PIK3C2G: variants seen among roughly 807,000 people sequenced by gnomAD.
The protein encoded by PIK3C2G is phosphatidylinositol 3-kinase C2 domain-containing subunit gamma.
In PIK3C2G, 168 loss-of-function variants were observed where a neutral mutation model predicts 181.1. The ratio of observed to expected loss-of-function variants is 0.93; its 90% CI spans 0.82 to 1.05. The LOEUF (loss-of-function observed/expected upper bound fraction) is 1.05, where lower values mean the gene tolerates loss of function less well. Among genes scored for constraint, PIK3C2G ranks in the 50% least tolerant of loss-of-function variants. The pLI, the probability that PIK3C2G is intolerant of heterozygous loss-of-function variation, is 0.00. For missense variants in PIK3C2G, 1,869 were observed against 1,732.8 expected (o/e 1.08, Z -1.40); for synonymous variants, 573 against 592.2 (o/e 0.97, Z 0.47).
chr12:18,286,674 T>C (rs1949458012), intron 2 of PIK3C2G, among the ~76,000 whole-genome samples, 173 bp from the exon 3 acceptor site: 2 of 152,136 alleles, frequency 1.3e-5, no homozygotes, highest in Admixed American at 1.3e-4. Flanking sequence ...ACTCAAATTA[T>C]ATACTTAAGA....
At chr12:18,517,391 G>A (rs547816602) in intron 24 of PIK3C2G, among the ~76,000 whole-genome samples, 9 of 152,090 alleles carry the variant, frequency 5.9e-5, no homozygotes, top group East Asian at 1.9e-4. Context: ...ATTTGTTTGC[G>A]TCTTCTTTTA....
chr12:18,550,581 T>C (rs1236777602), intron 26 of PIK3C2G, among the ~76,000 whole-genome samples: 1 of 152,002 alleles, frequency 6.6e-6, no homozygotes, highest in Non-Finnish European at 1.5e-5. Flanking sequence ...CTTCAATGAG[T>C]GGCATTAATT....
intron 16 of PIK3C2G, among the ~76,000 whole-genome samples, chr12:18,419,275 C>T (rs559322341): frequency 6.6e-6 from 1 of 152,228 alleles, no homozygotes; most frequent in Middle Eastern, 3.4e-3. Context: ...CCTCTTTTGT[C>T]ATTTCTATCA....
the PIK3C2G span, among the ~76,000 whole-genome samples, chr12:18,706,104 G>T: frequency 6.6e-6 from 1 of 151,714 alleles, no homozygotes; most frequent in Non-Finnish European, 1.5e-5. Context: ...GTGGTGGCAG[G>T]TGCCTGTAAT....
the PIK3C2G span, among the ~76,000 whole-genome samples, chr12:18,675,106 G>A: frequency 6.6e-6 from 1 of 152,136 alleles, no homozygotes; most frequent in Admixed American, 6.6e-5. Context: ...GATTAATAAT[G>A]TGGCTAGAGA....
chr12:18,550,903 T>C (rs116677221), intron 26 of PIK3C2G, among the ~76,000 whole-genome samples: 6,844 of 152,108 alleles, frequency 0.045, 346 homozygotes, highest in African/African-American at 0.13. Flanking sequence ...CTTGACCCTA[T>C]TTGAGACTTG....
At chr12:18,494,426 G>T (rs181125116) in intron 20 of PIK3C2G, among the ~76,000 whole-genome samples, 3 of 152,016 alleles carry the variant, frequency 2.0e-5, no homozygotes, top group Admixed American at 6.5e-5. Flanking sequence ...GTCTGTGTGT[G>T]TACCACCAAA....
At chr12:18,559,700 A>G (rs1427515657) in intron 26 of PIK3C2G, among the ~76,000 whole-genome samples, 1 of 148,540 alleles carries the variant, frequency 6.7e-6, no homozygotes. Context: ...AATATTAGCA[A>G]AGGGAAAATC....
At chr12:18,372,014 TA>T (rs1357839554) in intron 13 of PIK3C2G, among the ~76,000 whole-genome samples, 2 of 152,212 alleles carry the variant, frequency 1.3e-5, no homozygotes, top group Non-Finnish European at 2.9e-5. Flanking sequence ...GTAATGTTAA[TA>T]TTTTTATAAA....
intron 18 of PIK3C2G, among the ~76,000 whole-genome samples, chr12:18,478,442 A>G (rs942407489): frequency 6.6e-6 from 1 of 152,080 alleles, no homozygotes; most frequent in Admixed American, 6.6e-5. Flanking sequence ...ATTGCTTTCA[A>G]TGTGGCCTCT....
intron 29 of PIK3C2G, among the ~76,000 whole-genome samples, chr12:18,571,258 A>C (rs1945924256): frequency 6.6e-6 from 1 of 150,744 alleles, no homozygotes; most frequent in Non-Finnish European, 1.5e-5. Context: ...GAATACACCT[A>C]TAGTTTCAAT....
At chr12:18,310,329 A>G (rs1170807404) in intron 5 of PIK3C2G, among the ~76,000 whole-genome samples, 1 of 151,924 alleles carries the variant, frequency 6.6e-6, no homozygotes, top group Non-Finnish European at 1.5e-5. Flanking sequence ...TGCTAATATC[A>G]GAACTTTGGC....
At chr12:18,424,696 G>C (rs979637136) in intron 18 of PIK3C2G, 18 of 213,058 alleles carry the variant, frequency 8.4e-5, no homozygotes, top group Non-Finnish European at 1.5e-4. Context: ...TCCTGAGAAG[G>C]CTTGTCAGTT....
chr12:18,652,117 T>C (rs1950545071), downstream of PIK3C2G, among the ~76,000 whole-genome samples: 1 of 152,136 alleles, frequency 6.6e-6, no homozygotes, highest in Admixed American at 6.6e-5. Flanking sequence ...CCAAAATTGA[T>C]AGGTTGAAGT....
chr12:18,651,618 C>T (rs1950522551), downstream of PIK3C2G, among the ~76,000 whole-genome samples: 2 of 152,082 alleles, frequency 1.3e-5, no homozygotes, highest in South Asian at 2.1e-4. Context: ...CACCCAAAGC[C>T]CTCATTCTAG....
chr12:18,650,344 T>TAC (rs879258074), downstream of PIK3C2G, among the ~76,000 whole-genome samples: 2,062 of 133,502 alleles, frequency 0.015, 42 homozygotes, highest in Middle Eastern at 0.034. Context: ...TATATATATA[T>TAC]ATATGTGTGT....
chr12:18,302,842 C>T (rs1052391793), intron 5 of PIK3C2G, among the ~76,000 whole-genome samples: 2 of 152,054 alleles, frequency 1.3e-5, no homozygotes, highest in Admixed American at 6.5e-5. Context: ...CCCAGCCCCA[C>T]GGATATGTTT....
chr12:18,667,557 T>C, the PIK3C2G span, among the ~76,000 whole-genome samples: 1 of 152,186 alleles, frequency 6.6e-6, no homozygotes, highest in Non-Finnish European at 1.5e-5. Flanking sequence ...TTTTTTCTTC[T>C]ATTTTTACTT....
At chr12:18,639,194 C>A (rs1227372204) in intron 31 of PIK3C2G, among the ~76,000 whole-genome samples, 4 of 151,918 alleles carry the variant, frequency 2.6e-5, no homozygotes, top group African/African-American at 9.7e-5. Context: ...AAAACCCAAA[C>A]TGTCTAATGA....
Sources: allele counts gnomAD v4.1 joint callset (sites outside exome capture counted in the v4.1 genomes callset), GRCh38; gene constraint gnomAD v4.1.1; transcripts MANE v1.5; gene names NCBI Gene and HGNC (gene_info 2026-07-23, HGNC 2026-07-21).